The following FCRL4 variants were observed in gnomAD, a reference collection of about 807,000 sequenced individuals.
The protein encoded by FCRL4 is Fc receptor like 4, also known as Fc receptor-like protein 4.
In FCRL4, 43 loss-of-function variants were observed where a neutral mutation model predicts 64.1. The observed-to-expected ratio is 0.67, with a 90% CI of 0.53 to 0.87. The LOEUF is 0.87. Among genes scored for constraint, FCRL4 ranks in the 40% least tolerant of loss-of-function variants. The pLI is 0.00. For missense variants in FCRL4, 656 were observed against 613.5 expected, an observed-to-expected ratio of 1.07 and a Z score of -0.73; for synonymous variants, 253 against 239.8, an observed-to-expected ratio of 1.05 and a Z score of -0.51.
chr1:157,585,219 C>T (rs6693102), intron 6 of FCRL4, among the ~76,000 whole-genome samples: 50,138 of 151,082 alleles, frequency 0.33, 10,408 homozygotes, highest in East Asian at 0.68. Context: ...TAGATTCTTC[C>T]TTTCTTTCCT....
At chr1:157,585,350 CTTT>C (rs1558155026) in intron 6 of FCRL4, among the ~76,000 whole-genome samples, 29 of 41,518 alleles carry the variant, frequency 7.0e-4, no homozygotes, top group African/African-American at 2.5e-3. Context: ...CTCTCTCTTT[CTTT>C]CTTTCTTTCT....
intron 6 of FCRL4, among the ~76,000 whole-genome samples, chr1:157,585,348 T>TTCTTTCTCTCTC (rs1558155011): frequency 8.2e-5 from 5 of 60,936 alleles, no homozygotes; most frequent in African/African-American, 4.7e-4. Flanking sequence ...CTCTCTCTCT[T>TTCTTTCTCTCTC]TCTTTCTTTC....
intron 6 of FCRL4, among the ~76,000 whole-genome samples, chr1:157,582,489 G>A (rs1571137748): frequency 1.3e-5 from 2 of 152,308 alleles, no homozygotes; most frequent in Middle Eastern, 6.8e-3. Flanking sequence ...AGAGAGTGGA[G>A]AGTGGGGCGT....
chr1:157,592,395 G>C (rs1652858387), intron 2 of FCRL4, among the ~76,000 whole-genome samples: 2 of 149,526 alleles, frequency 1.3e-5, no homozygotes, highest in South Asian at 4.2e-4. Flanking sequence ...AAATTTACAA[G>C]AAAAAAAAAC....
chr1:157,578,399 A>G, intron 10 of FCRL4, 75 bp downstream of exon 10: 7 of 1,205,798 alleles, frequency 5.8e-6, no homozygotes, highest in Non-Finnish European at 8.6e-6. Flanking sequence ...TACCTAGCAC[A>G]TAGGAGGTGC....
rs142972836 is a variant in FCRL4 at position 157,593,839 on chromosome 1, A to G, written c.52+2489T>C. Among the ~76,000 whole-genome samples the G allele has an allele frequency of 2.0e-4, 30 of 152,340 alleles. 1 individual carries two copies. Among genetic ancestry groups the G allele is most frequent in the African/African-American group, 7.0e-4 (29 of 41,592 alleles). ...AGTTCTGACTTTGTGCCGGCTAACA[A>G]CAAAAGTAACTACAACACAAATTAT... is the stretch of plus-strand genomic sequence containing the variant. On this transcript the variant is annotated intron_variant, in intron 2 of 11. Coordinates refer to ENST00000271532, the MANE Select transcript of FCRL4 (RefSeq NM_031282.3).
Position 157,578,826 on chromosome 1 carries a change from T to C in FCRL4, c.1304A>G (p.Glu435Gly). 1 of 1,613,608 alleles carries C rather than the reference T, an allele frequency of 6.2e-7. No individual in the cohort carries two copies. The highest frequency in any genetic ancestry group is 8.5e-7 in the Non-Finnish European group (1 of 1,179,802). Residue 435 changes from glutamate (E) to glycine (G), a missense_variant, in exon 9 of 12, where the codon GAG (glutamate) becomes GGG (glycine). Coordinates refer to ENST00000271532, the MANE Select transcript of FCRL4 (RefSeq NM_031282.3). ...GGCAGGGCAGATGGAATGGGAGGACTCTCCTGGGCCTGGAGCGGGAGGGAG... is the reference window on the plus strand; with the variant it reads ...GGCAGGGCAGATGGAATGGGAGGACCCTCCTGGGCCTGGAGCGGGAGGGAG... ...TRLPPAPGPG[E>G]SSHSICPAQV...
intron 6 of FCRL4, among the ~76,000 whole-genome samples, chr1:157,583,555 G>T (rs1652609969): frequency 1.3e-5 from 2 of 152,188 alleles, no homozygotes; most frequent in Admixed American, 1.3e-4. Context: ...GAAAGGTTGT[G>T]CTGCTCTCTC....
chr1:157,593,351 G>GGAGA (rs1652881234), intron 2 of FCRL4, among the ~76,000 whole-genome samples: 2 of 152,228 alleles, frequency 1.3e-5, no homozygotes, highest in South Asian at 4.2e-4. Flanking sequence ...AGTTCCTGTG[G>GGAGA]GAGAGTAAGG....
At chr1:157,580,140 C>T (rs1652527416) in intron 8 of FCRL4, among the ~76,000 whole-genome samples, 181 bp downstream of exon 8, 1 of 152,166 alleles carries the variant, frequency 6.6e-6, no homozygotes, top group Non-Finnish European at 1.5e-5. Context: ...GTATTGCAAA[C>T]TATTAGCTGA....
At position 157,575,599 on chromosome 1, in the gene FCRL4, A is replaced by G. The variant is rs767832134; in HGVS notation, c.1473T>C (p.Val491=). Reference sequence around the variant, plus strand: ...GTTGTGTCTTTACCTCAGAGTAGACAACTGAGACATCCTGAAATGGAAGAA... The same window carrying G: ...GTTGTGTCTTTACCTCAGAGTAGACGACTGAGACATCCTGAAATGGAAGAA... The part of the protein sequence containing the change: ...RTLLEDKDVS[V]VYSEVKTQHP... The change falls in exon 12 of 12, where the codon GTT becomes GTC. Residue 491 remains valine, a synonymous_variant. Transcript: ENST00000271532. The G allele has an allele frequency of 7.4e-6, 12 of 1,613,434 alleles. No homozygotes were observed. Among genetic ancestry groups the G allele is most frequent in the Non-Finnish European group, 1.0e-5 (12 of 1,179,480 alleles).
At chr1:157,590,123 A>G (rs1652806953) in intron 2 of FCRL4, among the ~76,000 whole-genome samples, 1 of 152,170 alleles carries the variant, frequency 6.6e-6, no homozygotes, top group Non-Finnish European at 1.5e-5. Flanking sequence ...CTTGTTTACC[A>G]TGTTTTTCCT....
At position 157,575,591 on chromosome 1, in the gene FCRL4, G is replaced by C; in HGVS notation, c.1481C>G (p.Ser494Cys). Residue 494 changes from serine (S) to cysteine (C), a missense_variant, in exon 12 of 12, where the codon TCT (serine) becomes TGT (cysteine). Transcript: ENST00000271532. Reference protein sequence around the residue: ...LEDKDVSVVYSEVKTQHPDNS... With the variant: ...LEDKDVSVVYCEVKTQHPDNS... ...ATCTGGGTGTTGTGTCTTTACCTCAGAGTAGACAACTGAGACATCCTGAAA... is the reference window on the plus strand; with the variant it reads ...ATCTGGGTGTTGTGTCTTTACCTCACAGTAGACAACTGAGACATCCTGAAA... The C allele has an allele frequency of 6.2e-7, 1 of 1,613,906 alleles. No individual in the cohort carries two copies. The highest frequency in any genetic ancestry group is 8.5e-7 in the Non-Finnish European group (1 of 1,179,822).
intron 2 of FCRL4, among the ~76,000 whole-genome samples, chr1:157,595,261 T>A (rs1166438455): frequency 2.0e-5 from 3 of 152,234 alleles, no homozygotes; most frequent in Admixed American, 6.5e-5. Context: ...ATACTCTATG[T>A]CATCAGTGGG....
At chr1:157,587,673 A>T (rs1433945514) in intron 4 of FCRL4, 113 bp from the exon 5 acceptor site, 1 of 1,242,406 alleles carries the variant, frequency 8.0e-7, no homozygotes, top group African/African-American at 1.5e-5. Flanking sequence ...AGACAAACTT[A>T]TCAAGCCCTC....
At chr1:157,592,997 A>C (rs1652872207) in intron 2 of FCRL4, among the ~76,000 whole-genome samples, 1 of 152,186 alleles carries the variant, frequency 6.6e-6, no homozygotes, top group South Asian at 2.1e-4. Context: ...CAGAAAACCA[A>C]ACACCGCATG....
chr1:157,585,101 G>T (rs1388389298), intron 6 of FCRL4, among the ~76,000 whole-genome samples: 1 of 152,146 alleles, frequency 6.6e-6, no homozygotes, highest in Non-Finnish European at 1.5e-5. Context: ...AGGCAAGCCT[G>T]GTGGTGATGG....
chr1:157,586,970 T>C (rs1390433086), intron 5 of FCRL4, among the ~76,000 whole-genome samples: 1 of 152,230 alleles, frequency 6.6e-6, no homozygotes, highest in African/African-American at 2.4e-5. Context: ...CATTCTAGAA[T>C]CTGCCAAATC....
In FCRL4 at chr1:157,574,252, C is replaced by G. The variant is rs1248991186; in HGVS notation, c.*1272G>C. ...TGTTATAGAAGCCAGGTGATTTGCC[C>G]TATAGAACTTTTTCTCAGTTTATGT... On this transcript the variant is annotated 3_prime_UTR_variant, in exon 12 of 12. Transcript: ENST00000271532. 1 of 219,152 alleles carries G rather than the reference C, an allele frequency of 4.6e-6. No individual in the cohort carries two copies. Among genetic ancestry groups the G allele is most frequent in the Non-Finnish European group, 9.1e-6 (1 of 109,468 alleles). The allele number at this position is 219,152 out of a possible 1,614,324, so 13.6% of individuals were successfully genotyped here.
Sources: gnomAD v4.1 joint callset for allele counts (sites outside exome capture counted in the v4.1 genomes callset) on GRCh38, gnomAD v4.1.1 for gene constraint, MANE v1.5 for transcripts, NCBI Gene and HGNC (gene_info 2026-07-23, HGNC 2026-07-21) for gene names.